The following ZNF469 variants were observed in gnomAD, a reference collection of about 807,000 sequenced individuals.
The protein encoded by ZNF469 is zinc finger protein 469.
In ZNF469, 1 loss-of-function variant was observed where a neutral mutation model predicts 1.0. The observed-to-expected ratio is 1.00, with a 90% CI of 0.35 to 4.73. The LOEUF (loss-of-function observed/expected upper bound fraction) is 4.73, where lower values mean the gene tolerates loss of function less well. Among genes scored for constraint, ZNF469 ranks in the 30% most tolerant of loss-of-function variants. The probability of loss-of-function intolerance (pLI) is 0.16; values close to 1 mark genes in which losing one functional copy is unlikely to be tolerated. For synonymous variants in ZNF469, 2,703 were observed against 2,363.4 expected (o/e 1.14, Z -4.17); for missense variants, 6,100 against 5,356.3 (o/e 1.14, Z -4.33).
chr16:88,167,067 TTTTTTTTTTTC>T, the ZNF469 span, among the ~76,000 whole-genome samples: 10 of 139,708 alleles, frequency 7.2e-5, no homozygotes, highest in East Asian at 1.0e-3. Context: ...TTTTTTTTTT[TTTTTTTTTTTC>T]TAAGAGGGAA....
At chr16:88,380,390 GAC>G (rs1272326148), upstream of ZNF469, among the ~76,000 whole-genome samples, 2 of 54,568 alleles carry the variant, frequency 3.7e-5, no homozygotes, top group Non-Finnish European at 5.8e-5. Flanking sequence ...CGCACTCACA[GAC>G]ACGCCCTCAC....
At position 88,394,140 on chromosome 16, in the gene ZNF469, C is replaced by A. The variant is rs1048777639; in HGVS notation, c.-192+10886C>A. ...AGAGGAGCGGGGTTTGACACGCCTA[C>A]ACCTGCGCTGTCCGAGAGGGATGGG... On this transcript the variant is annotated intron_variant, in intron 1 of 2. Coordinates refer to ENST00000565624, the MANE Select transcript of ZNF469 (RefSeq NM_001367624.2). 3.3e-5 allele frequency among the ~76,000 whole-genome samples: 5 copies of A among 151,716 alleles called. 1 individual carries two copies. Among genetic ancestry groups the A allele is most frequent in the Admixed American group, 2.0e-4 (3 of 15,244 alleles).
chr16:88,259,861 C>A, the ZNF469 span, among the ~76,000 whole-genome samples: 3 of 152,196 alleles, frequency 2.0e-5, no homozygotes, highest in Admixed American at 2.0e-4. The surrounding 1 kb of genome is among the most constrained non-coding windows in gnomAD (Gnocchi z 4.1). Flanking sequence ...AGCAGCAGAG[C>A]TGATGTCTTA....
At position 88,434,628 on chromosome 16, in the gene ZNF469, G is replaced by T. The variant is rs778636214; in HGVS notation, c.7158G>T (p.Gly2386=). 7.1e-6 allele frequency: 11 copies of T among 1,550,244 alleles called. No homozygotes were observed. Among genetic ancestry groups the T allele is most frequent in the Non-Finnish European group, 9.6e-6 (11 of 1,146,898 alleles). Residue 2386 remains glycine (G), a synonymous_variant, in exon 3 of 3, where the codon GGG becomes GGT. Transcript: ENST00000565624. The part of the protein sequence containing the change: ...EPEDPGTPET[G]RSGATKMPRV... Reference sequence around the variant, plus strand: ...AGGACCCAGGGACCCCTGAGACCGGGCGCTCTGGTGCTACCAAGATGCCCA... The same window carrying T: ...AGGACCCAGGGACCCCTGAGACCGGTCGCTCTGGTGCTACCAAGATGCCCA...
At chr16:88,408,910 C>T (rs1395639840) in intron 1 of ZNF469, among the ~76,000 whole-genome samples, 3 of 151,818 alleles carry the variant, frequency 2.0e-5, no homozygotes, top group African/African-American at 7.3e-5. Flanking sequence ...AAGAAAAACA[C>T]TCATAGGGAA....
intron 1 of ZNF469, among the ~76,000 whole-genome samples, chr16:88,416,261 G>A (rs1344942566): frequency 2.0e-5 from 3 of 152,144 alleles, no homozygotes; most frequent in African/African-American, 7.2e-5. Context: ...GATGGGCTCC[G>A]TTCCCAAAAA....
chr16:88,232,102 C>G, the ZNF469 span, among the ~76,000 whole-genome samples: 1 of 152,260 alleles, frequency 6.6e-6, no homozygotes, highest in South Asian at 2.1e-4. Flanking sequence ...GCCCTCAGAC[C>G]TCGACCACGC....
At position 88,438,010 on chromosome 16, in the gene ZNF469, G is replaced by C; in HGVS notation, c.10540G>C (p.Glu3514Gln). 6.5e-7 allele frequency: 1 copy of C among 1,549,718 alleles called. No individual in the cohort carries two copies. The highest frequency in any genetic ancestry group is 8.7e-7 in the Non-Finnish European group (1 of 1,146,924). ...CCCGGCCCTGCTCCACCTGTGTTCG[G>C]AGGTGGCTCCCAGCACCACCAAGGG... The part of the protein sequence containing the change: ...SLPALLHLCS[E>Q]VAPSTTKGWP... The change falls in exon 3 of 3, where the codon GAG (glutamate) becomes CAG (glutamine). Residue 3514 changes from glutamate to glutamine, a missense_variant. Coordinates refer to ENST00000565624, the MANE Select transcript of ZNF469 (RefSeq NM_001367624.2).
the ZNF469 span, among the ~76,000 whole-genome samples, chr16:88,370,722 G>A: frequency 6.6e-6 from 1 of 152,308 alleles, no homozygotes; most frequent in Non-Finnish European, 1.5e-5. Context: ...CCCTCAGCTT[G>A]GAGACCAGAA....
At chr16:88,294,566 A>G in the ZNF469 span, among the ~76,000 whole-genome samples, 10 of 152,232 alleles carry the variant, frequency 6.6e-5, no homozygotes, top group African/African-American at 1.9e-4. Flanking sequence ...TTCTTTGAAG[A>G]AAGAGGCCAT....
At chr16:88,331,593 C>T in the ZNF469 span, among the ~76,000 whole-genome samples, 5 of 151,564 alleles carry the variant, frequency 3.3e-5, no homozygotes, top group East Asian at 9.8e-4. Flanking sequence ...ACCACCATCA[C>T]CACTATCATC....
the ZNF469 span, among the ~76,000 whole-genome samples, chr16:88,303,380 T>G: frequency 2.6e-5 from 4 of 152,216 alleles, no homozygotes; most frequent in Admixed American, 2.6e-4. Context: ...TCGCCAGCGC[T>G]GTTCTTTCCA....
At chr16:88,123,866 C>T in the ZNF469 span, among the ~76,000 whole-genome samples, 2 of 152,182 alleles carry the variant, frequency 1.3e-5, no homozygotes, top group African/African-American at 4.8e-5. Flanking sequence ...TGCAATGGAG[C>T]AGTGTCGGCT....
chr16:88,395,855 A>G (rs187350087), intron 1 of ZNF469, among the ~76,000 whole-genome samples: 1 of 152,306 alleles, frequency 6.6e-6, no homozygotes, highest in East Asian at 1.9e-4. Context: ...TCTTTCCTGG[A>G]TGGATCAAAG....
At chr16:88,137,785 G>C in the ZNF469 span, among the ~76,000 whole-genome samples, 1 of 152,226 alleles carries the variant, frequency 6.6e-6, no homozygotes, top group African/African-American at 2.4e-5. Flanking sequence ...AACTGAGGAG[G>C]AGAAAGATGT....
At chr16:88,289,393 A>T in the ZNF469 span, among the ~76,000 whole-genome samples, 1,099 of 151,396 alleles carry the variant, frequency 7.3e-3, 16 homozygotes, top group African/African-American at 0.025. Flanking sequence ...GGTGATGATC[A>T]TGATGATGGT....
chr16:88,404,572 A>C (rs72805348), intron 1 of ZNF469, among the ~76,000 whole-genome samples: 6 of 152,172 alleles, frequency 3.9e-5, no homozygotes, highest in African/African-American at 1.4e-4. Context: ...TGGCAGGGGA[A>C]GAACTGGGAG....
chr16:88,435,053 A>G lies in ZNF469; in HGVS notation c.7583A>G (p.Lys2528Arg). Residue 2528 changes from lysine to arginine, a missense_variant, in exon 3 of 3, where the codon AAG becomes AGG. By Grantham distance (26) the Lys-to-Arg change is conservative. Coordinates refer to ENST00000565624, the MANE Select transcript of ZNF469 (RefSeq NM_001367624.2). ...GCCCAAAAGTGCCAGCCGCCCAGGA[A>G]GAAAAGCCACAGGGTGTCTGGGAAG... ...PLAQKCQPPR[K>R]KSHRVSGKER... The G allele has an allele frequency of 6.4e-7, 1 of 1,550,404 alleles. No homozygotes were observed. The highest frequency in any genetic ancestry group is 8.7e-7 in the Non-Finnish European group (1 of 1,146,982).
chr16:88,414,179 A>G (rs1905246970), intron 1 of ZNF469, among the ~76,000 whole-genome samples: 1 of 152,240 alleles, frequency 6.6e-6, no homozygotes, highest in Non-Finnish European at 1.5e-5. Context: ...AAGACAGGGT[A>G]GAGTCCAACC....
Sources: gnomAD v4.1 joint callset for allele counts (sites outside exome capture counted in the v4.1 genomes callset) on GRCh38, gnomAD v4.1.1 for gene constraint, Gnocchi (gnomAD v3.1) non-coding constraint, MANE v1.5 for transcripts, NCBI Gene and HGNC (gene_info 2026-07-23, HGNC 2026-07-21) for gene names.